The following GRID1 variants were observed in gnomAD, a reference collection of about 807,000 sequenced individuals.
GRID1 encodes the protein glutamate receptor ionotropic, delta-1.
Under a neutral mutation model 98.0 loss-of-function variants are expected in GRID1, and 28 were observed. That is an observed-to-expected ratio of 0.29 (90% CI 0.21 to 0.39). The LOEUF (loss-of-function observed/expected upper bound fraction) is 0.39, where lower values mean the gene tolerates loss of function less well. Ranked by LOEUF, GRID1 falls within the 10% of genes least tolerant of loss-of-function variation. The probability of loss-of-function intolerance (pLI) is 1.00; values close to 1 mark genes in which losing one functional copy is unlikely to be tolerated. For missense variants in GRID1, 1,111 were observed against 1,340.5 expected (o/e 0.83, Z 2.67); for synonymous variants, 553 against 538.5 (o/e 1.03, Z -0.37).
intron 12 of GRID1, among the ~76,000 whole-genome samples, chr10:85,704,228 C>G (rs1177694738): frequency 6.6e-6 from 1 of 152,094 alleles, no homozygotes; most frequent in African/African-American, 2.4e-5. Flanking sequence ...AAACCCATCT[C>G]ACGTGCAAAG....
intron 4 of GRID1, among the ~76,000 whole-genome samples, chr10:85,939,500 T>A (rs1199977191): frequency 6.6e-6 from 1 of 152,114 alleles, no homozygotes; most frequent in Non-Finnish European, 1.5e-5. Context: ...CCTTTCCAAC[T>A]TCTAGAAGCC....
intron 3 of GRID1, among the ~76,000 whole-genome samples, chr10:86,186,702 A>T (rs922119570): frequency 7.2e-5 from 11 of 152,214 alleles, no homozygotes; most frequent in Admixed American, 6.5e-4. Flanking sequence ...AGTTTTTTTT[A>T]AACACTAAAC....
At chr10:85,789,346 T>C (rs539964455) in intron 8 of GRID1, among the ~76,000 whole-genome samples, 4 of 152,016 alleles carry the variant, frequency 2.6e-5, no homozygotes, top group African/African-American at 7.3e-5. Flanking sequence ...CTGGGGAAGA[T>C]GCCAGAGCAG....
intron 12 of GRID1, among the ~76,000 whole-genome samples, chr10:85,676,901 T>C (rs917554124): frequency 6.6e-6 from 1 of 152,252 alleles, no homozygotes; most frequent in African/African-American, 2.4e-5. Context: ...CATTAGTTAA[T>C]GGCAGGCAGA....
intron 2 of GRID1, among the ~76,000 whole-genome samples, chr10:86,222,179 AG>A (rs1264786390): frequency 6.6e-6 from 1 of 152,054 alleles, no homozygotes; most frequent in Non-Finnish European, 1.5e-5. Flanking sequence ...CCATTTGCAG[AG>A]GGGGCACCTG....
chr10:85,903,492 G>A (rs1425356177), intron 5 of GRID1, among the ~76,000 whole-genome samples: 1 of 151,960 alleles, frequency 6.6e-6, no homozygotes, highest in Admixed American at 6.6e-5. Context: ...ACAATAGCCT[G>A]ATAAATAGTT....
At chr10:86,230,046 A>T (rs1846426057) in intron 2 of GRID1, among the ~76,000 whole-genome samples, 1 of 152,176 alleles carries the variant, frequency 6.6e-6, no homozygotes. Context: ...GCCTCCAGGT[A>T]TCCCCAGCCC....
At chr10:85,717,648 C>T (rs1402406495) in intron 12 of GRID1, among the ~76,000 whole-genome samples, 2 of 152,134 alleles carry the variant, frequency 1.3e-5, no homozygotes, top group Non-Finnish European at 2.9e-5. Context: ...AATGTCATGT[C>T]CTCACATTTC....
intron 8 of GRID1, among the ~76,000 whole-genome samples, chr10:85,829,571 T>C (rs1475183431): frequency 6.6e-6 from 1 of 152,124 alleles, no homozygotes; most frequent in Non-Finnish European, 1.5e-5. Context: ...CTCCCAAATG[T>C]TCCTTGATCT....
At chr10:86,239,570 G>A (rs1336160122) in intron 2 of GRID1, among the ~76,000 whole-genome samples, 3 of 152,194 alleles carry the variant, frequency 2.0e-5, no homozygotes, top group Non-Finnish European at 1.5e-5. Context: ...TCCCCGTGTT[G>A]GAGGAGGGGC....
At chr10:86,246,573 GCATTCCCTAC>G (rs1361963307) in intron 2 of GRID1, among the ~76,000 whole-genome samples, 1 of 152,108 alleles carries the variant, frequency 6.6e-6, no homozygotes, top group Non-Finnish European at 1.5e-5. Flanking sequence ...CCCCTTGCTG[GCATTCCCTAC>G]CATTAACCCG....
At chr10:86,025,905 T>C (rs1843109834) in intron 4 of GRID1, among the ~76,000 whole-genome samples, 1 of 152,228 alleles carries the variant, frequency 6.6e-6, no homozygotes, top group Non-Finnish European at 1.5e-5. Flanking sequence ...AACACACCTC[T>C]GTTCTGAGGA....
chr10:85,735,140 C>G (rs896743558), intron 8 of GRID1, among the ~76,000 whole-genome samples: 1 of 152,204 alleles, frequency 6.6e-6, no homozygotes, highest in Non-Finnish European at 1.5e-5. Context: ...CTGACTTCCC[C>G]TTGTATTTTG....
rs181676847 is a variant in GRID1, at chr10:85,600,785, G to C, written c.*1488C>G. The C allele has an allele frequency of 1.2e-4, 18 of 152,368 alleles. No homozygotes were observed. The East Asian group carries it at 3.3e-3, about 28-fold the overall frequency. The allele number at this position is 152,368 out of a possible 1,614,324, so 9.4% of individuals were successfully genotyped here. On this transcript the variant is annotated 3_prime_UTR_variant, in exon 16 of 16. Transcript: ENST00000327946. ...AAGGGCAACTGAAGGAGGGGGCGCT[G>C]TTAGGTGGTCCTAGGCTTAGAAAAC...
intron 4 of GRID1, among the ~76,000 whole-genome samples, chr10:86,095,739 A>G (rs1341619426): frequency 1.3e-5 from 2 of 152,236 alleles, no homozygotes; most frequent in Admixed American, 6.5e-5. Context: ...TGTGGTGAAC[A>G]GGGAACACTT....
chr10:86,153,739 T>A (rs1845203009), intron 3 of GRID1, among the ~76,000 whole-genome samples: 2 of 152,102 alleles, frequency 1.3e-5, no homozygotes, highest in Non-Finnish European at 2.9e-5. Context: ...CACCAAAACA[T>A]GCCTGCTAAG....
chr10:85,892,655 A>G (rs1447709166), intron 5 of GRID1, among the ~76,000 whole-genome samples: 1 of 152,076 alleles, frequency 6.6e-6, no homozygotes, highest in Non-Finnish European at 1.5e-5. Context: ...CAGGAAAAAA[A>G]GATAATCTAA....
At chr10:86,018,842 C>T (rs971397413) in intron 4 of GRID1, among the ~76,000 whole-genome samples, 5 of 152,210 alleles carry the variant, frequency 3.3e-5, no homozygotes, top group African/African-American at 1.2e-4. Context: ...TTAACACCAC[C>T]CATACAATAT....
chr10:85,965,586 T>C (rs757867850), intron 4 of GRID1, among the ~76,000 whole-genome samples: 2 of 151,926 alleles, frequency 1.3e-5, no homozygotes, highest in African/African-American at 4.8e-5. Context: ...AGTTAAACAC[T>C]GAGAACACAT....
Sources: allele counts gnomAD v4.1 joint callset (sites outside exome capture counted in the v4.1 genomes callset), GRCh38; gene constraint gnomAD v4.1.1; transcripts MANE v1.5; gene names NCBI Gene and HGNC (gene_info 2026-07-23, HGNC 2026-07-21).